Variants in CRTC2 observed in about 807,000 individuals in gnomAD.
CRTC2 encodes CREB-regulated transcription coactivator 2.
In CRTC2, 25 loss-of-function variants were observed where a neutral mutation model predicts 70.9. The ratio of observed to expected loss-of-function variants is 0.35; its 90% CI spans 0.26 to 0.49. The LOEUF (loss-of-function observed/expected upper bound fraction) is 0.49, where lower values mean the gene tolerates loss of function less well. CRTC2 is among the 20% of genes least tolerant of loss of function. The pLI is 0.98. For synonymous variants in CRTC2, 330 were observed against 364.1 expected (o/e 0.91, Z 1.07); for missense variants, 737 against 882.6 (o/e 0.83, Z 2.09).
chr1:153,958,263 G>GGCGCCC, intron 1 of CRTC2, 82 bp downstream of exon 1: 2 of 1,527,902 alleles, frequency 1.3e-6, no homozygotes, highest in Non-Finnish European at 1.8e-6. Flanking sequence ...CCTTCGCTGC[G>GGCGCCC]GCGCCCGCCC....
intron 6 of CRTC2, 46 bp from the exon 7 acceptor site, chr1:153,952,880 C>T: frequency 6.2e-7 from 1 of 1,612,328 alleles, no homozygotes; most frequent in South Asian, 1.1e-5. Context: ...ACTTGCCTAC[C>T]TGCTTTAAAT....
chr1:153,953,664 C>A, intron 4 of CRTC2, 58 bp from the exon 5 acceptor site: 1 of 1,298,480 alleles, frequency 7.7e-7, no homozygotes, highest in East Asian at 2.4e-5. Flanking sequence ...AGAAGGTGGG[C>A]ATAGGGGTTG....
chr1:153,952,984 C>T (rs1357317148), intron 6 of CRTC2, 150 bp from the exon 7 acceptor site: 1 of 935,666 alleles, frequency 1.1e-6, no homozygotes, highest in East Asian at 2.5e-5. Flanking sequence ...GAGTTCAAGA[C>T]CAGCCTGGCC....
intron 1 of CRTC2, 23 bp downstream of exon 1, chr1:153,958,321 CG>C (rs1557873487): frequency 2.5e-6 from 4 of 1,607,176 alleles, no homozygotes; most frequent in Non-Finnish European, 3.4e-6. Flanking sequence ...AGCTCTGCTC[CG>C]GCTCCCCGGC....
chr1:153,953,459 G>C (rs1030459698), intron 5 of CRTC2, 79 bp downstream of exon 5: 4 of 1,529,594 alleles, frequency 2.6e-6, no homozygotes, highest in Middle Eastern at 1.8e-4. Context: ...AGCTGGTCTG[G>C]AACAGGGTGG....
chr1:153,949,920 A>C (rs1366119582), intron 11 of CRTC2, among the ~76,000 whole-genome samples: 1 of 151,420 alleles, frequency 6.6e-6, no homozygotes, highest in Non-Finnish European at 1.5e-5. Flanking sequence ...TTTTAAATCT[A>C]CTCCAGAAGT....
intron 1 of CRTC2, among the ~76,000 whole-genome samples, chr1:153,955,518 G>GGTTGC (rs1680574782): frequency 2.8e-5 from 4 of 141,182 alleles, no homozygotes; most frequent in Non-Finnish European, 6.0e-5. Flanking sequence ...AGTAAGCCGA[G>GGTTGC]ACTGTGCCAC....
chr1:153,955,945 G>A (rs1337106934), intron 1 of CRTC2, among the ~76,000 whole-genome samples: 2 of 152,176 alleles, frequency 1.3e-5, no homozygotes, highest in Non-Finnish European at 1.5e-5. Flanking sequence ...TACTCACAAG[G>A]GGGAGTGCCT....
chr1:153,958,110 A>G lies in CRTC2; in HGVS notation c.153+235T>C, dbSNP rs1239502502. The G allele has an allele frequency of 8.6e-6, 12 of 1,387,818 alleles. No individual in the cohort carries two copies. In the Admixed American group the frequency reaches 9.4e-5, roughly 11 times the overall value. 86.0% of individuals were successfully genotyped at this position (1,387,818 alleles called of 1,614,324 possible). Reference sequence around the variant, plus strand: ...TCCCCTCTCCGCCCACTCCCACCTCACGTACTCGGCCCCCAGTCGCCTCTA... The same window carrying G: ...TCCCCTCTCCGCCCACTCCCACCTCGCGTACTCGGCCCCCAGTCGCCTCTA... On this transcript the variant is annotated intron_variant, in intron 1 of 13. Coordinates refer to ENST00000368633, the MANE Select transcript of CRTC2 (RefSeq NM_181715.3).
At position 153,948,660 on chromosome 1, in the gene CRTC2, C is replaced by T; in HGVS notation, c.1675-16G>A. The T allele has an allele frequency of 6.4e-7, 1 of 1,569,190 alleles. No homozygotes were observed. Among genetic ancestry groups the T allele is most frequent in the Non-Finnish European group, 8.6e-7 (1 of 1,158,486 alleles). On this transcript the variant is annotated splice_polypyrimidine_tract_variant and intron_variant, in intron 12 of 13. Coordinates refer to ENST00000368633, the MANE Select transcript of CRTC2 (RefSeq NM_181715.3). ...ACTGCTCCAGCTATAGACATACAGA[C>T]AAATCTTTAGGAAGTAGGATTTAGA...
chr1:153,948,683 A>C, intron 12 of CRTC2, 39 bp from the exon 13 acceptor site: 5 of 1,564,154 alleles, frequency 3.2e-6, no homozygotes, highest in Non-Finnish European at 4.3e-6. Context: ...AGTAGGATTT[A>C]GAACTGGTGT....
Position 153,952,187 on chromosome 1 carries a change from A to G in CRTC2, c.828T>C (p.Pro276=), listed in dbSNP as rs1425074098. The G allele has an allele frequency of 6.2e-7, 1 of 1,613,742 alleles. No homozygotes were observed. Among genetic ancestry groups the G allele is most frequent in the Non-Finnish European group, 8.5e-7 (1 of 1,179,774 alleles). Residue 276 remains proline (P), a synonymous_variant, in exon 10 of 14, where the codon CCT becomes CCC. Coordinates refer to ENST00000368633, the MANE Select transcript of CRTC2 (RefSeq NM_181715.3). ...GGGGAAAGTGCAGGTTGGTGAGGTCAGGTAGGGAGCCCCCCGTGTTCATGG... is the reference window on the plus strand; with the variant it reads ...GGGGAAAGTGCAGGTTGGTGAGGTCGGGTAGGGAGCCCCCCGTGTTCATGG... ...PPAMNTGGSL[P]DLTNLHFPPP...
intron 11 of CRTC2, among the ~76,000 whole-genome samples, chr1:153,950,527 T>C (rs1364259942): frequency 4.0e-5 from 6 of 151,424 alleles, no homozygotes; most frequent in Non-Finnish European, 1.5e-5. Context: ...AGCATTTGGA[T>C]GAAAGAAAAG....
intron 10 of CRTC2, 56 bp downstream of exon 10, chr1:153,951,962 T>C: frequency 1.9e-6 from 3 of 1,574,714 alleles, no homozygotes; most frequent in East Asian, 2.2e-5. Context: ...CTACCTCCCC[T>C]TCATCCCTCC....
chr1:153,954,772 A>T, intron 3 of CRTC2, 101 bp downstream of exon 3: 1 of 1,008,688 alleles, frequency 9.9e-7, no homozygotes, highest in Non-Finnish European at 1.5e-6. Context: ...GAGCTCCAAG[A>T]GAAGGAAGGG....
rs1302797531 is a variant in CRTC2, at chr1:153,952,218, G to A, written c.797C>T (p.Pro266Leu). 2 of 1,612,220 alleles carry A rather than the reference G, an allele frequency of 1.2e-6. No individual in the cohort carries two copies. Among genetic ancestry groups the A allele is most frequent in the Admixed American group, 1.7e-5 (1 of 59,916 alleles). ...PDQPANVPVL[P>L]PAMNTGGSLP... ...GGAGCCCCCCGTGTTCATGGCAGGT[G>A]GGAGGACAGGCACATTGGCAGGCTG... The change falls in exon 10 of 14, where the codon CCA (proline) becomes CTA (leucine). Residue 266 changes from proline (P) to leucine (L), a missense_variant. Around this residue, in one of 3 missense-constraint regions of CRTC2, gnomAD observed 699 missense variants for 823.7 expected, o/e 0.85. Transcript: ENST00000368633.
rs752175206 is a variant in CRTC2 at position 153,958,302 on chromosome 1, T to G, written c.153+43A>C. The stretch of plus-strand genomic sequence containing the variant: ...CCCCGCCTCTCCGGTCTCCGCTCCG[T>G]AACTGCTCAGCTCTGCTCCGGCTCC... On this transcript the variant is annotated intron_variant, in intron 1 of 13. Transcript: ENST00000368633. The G allele has an allele frequency of 2.5e-6, 4 of 1,595,472 alleles. No individual in the cohort carries two copies. In the South Asian group the frequency reaches 4.5e-5, roughly 18 times the overall value.
intron 10 of CRTC2, 83 bp from the exon 11 acceptor site, chr1:153,951,749 A>C (rs1406816493): frequency 2.1e-6 from 3 of 1,450,378 alleles, no homozygotes; most frequent in Non-Finnish European, 2.8e-6. Context: ...GGTGGCAGTG[A>C]CCAGACTATG....
chr1:153,954,233 T>A (rs1248534623), intron 4 of CRTC2, 22 bp downstream of exon 4: 1 of 1,597,638 alleles, frequency 6.3e-7, no homozygotes, highest in East Asian at 2.2e-5. Context: ...GGCAGGAGCT[T>A]CTGCCCGCCC....
Sources: allele counts gnomAD v4.1 joint callset (sites outside exome capture counted in the v4.1 genomes callset), GRCh38; gene constraint gnomAD v4.1.1; regional missense constraint gnomAD v4.1.1; transcripts MANE v1.5; gene names NCBI Gene and HGNC (gene_info 2026-07-23, HGNC 2026-07-21).